The following ESR1 variants were observed in gnomAD, a reference collection of about 807,000 sequenced individuals.
ESR1 encodes the protein estrogen receptor 1.
A neutral mutation model predicts 52.7 loss-of-function variants in ESR1; 12 were observed. The ratio of observed to expected loss-of-function variants is 0.23; its 90% CI spans 0.15 to 0.37. ESR1 has a LOEUF of 0.37. ESR1 is among the 10% of genes least tolerant of loss of function. The pLI, the probability that ESR1 is intolerant of heterozygous loss-of-function variation, is 1.00. For missense variants in ESR1, 584 were observed against 779.7 expected (o/e 0.75, Z 2.99); for synonymous variants, 305 against 316.8 (o/e 0.96, Z 0.39).
chr6:151,730,088 C>T (rs1307338286), intron 2 of ESR1, among the ~76,000 whole-genome samples: 1 of 152,066 alleles, frequency 6.6e-6, no homozygotes, highest in East Asian at 1.9e-4. Flanking sequence ...GGCCCATTTC[C>T]GGGGTTCCTG....
chr6:152,040,597 CCTT>C (rs1303574932), intron 5 of ESR1, among the ~76,000 whole-genome samples: 1 of 152,216 alleles, frequency 6.6e-6, no homozygotes, highest in Non-Finnish European at 1.5e-5. Flanking sequence ...TGCCATTTCT[CCTT>C]CTAAGCAAAG....
intron 5 of ESR1, among the ~76,000 whole-genome samples, chr6:152,028,306 TGGGTGCAGC>T (rs1295731060): frequency 2.0e-5 from 3 of 152,168 alleles, no homozygotes; most frequent in African/African-American, 4.8e-5. Context: ...TGCAGGACAG[TGGGTGCAGC>T]GCACCAAGCA....
chr6:151,741,979 TCC>T (rs2128059100), intron 2 of ESR1, among the ~76,000 whole-genome samples: 1 of 152,328 alleles, frequency 6.6e-6, no homozygotes, highest in Admixed American at 6.5e-5. Context: ...ATGTTCTATT[TCC>T]GTATATTTGA....
rs1301786871 is a variant in ESR1, at chr6:152,098,024, G to A, written c.1554-708G>A. Among the ~76,000 whole-genome samples, 2 of 152,218 alleles carry A rather than the reference G, an allele frequency of 1.3e-5. No homozygotes were observed. The highest frequency in any genetic ancestry group is 4.8e-5 in the African/African-American group (2 of 41,450). On this transcript the variant is annotated intron_variant, in intron 7 of 7. Coordinates refer to ENST00000206249, the MANE Select transcript of ESR1 (RefSeq NM_000125.4). The surrounding 1 kb of genome is among the most constrained non-coding windows in gnomAD (Gnocchi z 5.1). ...GGGTAGCGGTAGGCCTTTCCGAGGA[G>A]GCGGCATTTGAAGACCGGAGGAAGG...
At chr6:151,825,183 T>A (rs887642833) in intron 1 of ESR1, among the ~76,000 whole-genome samples, 3 of 152,158 alleles carry the variant, frequency 2.0e-5, no homozygotes, top group African/African-American at 7.2e-5. Flanking sequence ...CCTCCCCTCC[T>A]CTACCTATTC....
In ESR1 at chr6:152,066,421, T is replaced by C. The variant is rs148306616; in HGVS notation, c.1369+5297T>C. ...TATTGACTGTAAACACTGAAAATCA[T>C]TAATTCTCAACAGTTGAAGGTTTCT... On this transcript the variant is annotated intron_variant, in intron 6 of 7. Coordinates refer to ENST00000206249, the MANE Select transcript of ESR1 (RefSeq NM_000125.4). 2.2e-3 allele frequency among the ~76,000 whole-genome samples: 333 copies of C among 152,318 alleles called. 1 individual carries two copies. The highest frequency in any genetic ancestry group is 3.6e-3 in the Non-Finnish European group (248 of 68,030).
intron 2 of ESR1, among the ~76,000 whole-genome samples, chr6:151,762,427 T>A (rs1018741699): frequency 1.6e-4 from 25 of 152,182 alleles, no homozygotes; most frequent in African/African-American, 5.8e-4. Flanking sequence ...GAGAGTGGTG[T>A]GAACATGTTT....
Position 152,014,959 on chromosome 6 carries a change from C to T in ESR1, c.1235+3165C>T, listed in dbSNP as rs144149383. On this transcript the variant is annotated intron_variant, in intron 5 of 7. Coordinates refer to ENST00000206249, the MANE Select transcript of ESR1 (RefSeq NM_000125.4). ...GCTCATGCCTGTAATCCCAGCTACC[C>T]GAGAGGCTGAGGCAGGAGAATCGCT... 4.5e-3 allele frequency among the ~76,000 whole-genome samples: 685 copies of T among 152,038 alleles called. 4 individuals carry two copies. Among genetic ancestry groups the T allele is most frequent in the African/African-American group, 0.015 (627 of 41,488 alleles).
At chr6:152,041,480 A>G (rs1341028440) in intron 5 of ESR1, among the ~76,000 whole-genome samples, 1 of 152,204 alleles carries the variant, frequency 6.6e-6, no homozygotes, top group African/African-American at 2.4e-5. Flanking sequence ...GCAGCAACTT[A>G]TCCTTCATCT....
chr6:151,910,956 A>G (rs1192593576), intron 3 of ESR1, among the ~76,000 whole-genome samples: 1 of 152,140 alleles, frequency 6.6e-6, no homozygotes, highest in Non-Finnish European at 1.5e-5. Flanking sequence ...ATCAGGCATT[A>G]TTAGGTTCTC....
Position 151,697,986 on chromosome 6 carries a change from T to G in ESR1, c.-201-3889T>G, listed in dbSNP as rs185738027. On this transcript the variant is annotated intron_variant, in intron 1 of 2. Transcript: ENST00000404742. ...GGCAGCATGCGCCTGTAGTCCCAGC[T>G]ACTAGGGAGGCTGAGGCAAGAGAAT... Among the ~76,000 whole-genome samples the G allele has an allele frequency of 1.2e-4, 18 of 152,112 alleles. No homozygotes were observed. The East Asian group carries it at 3.1e-3, about 26-fold the overall frequency.
intron 7 of ESR1, among the ~76,000 whole-genome samples, chr6:152,097,944 A>G (rs9341062): frequency 0.038 from 5,807 of 152,334 alleles, 152 homozygotes; most frequent in Middle Eastern, 0.061. Context: ...TGAGAAAAAC[A>G]GAACGGTGTG....
In ESR1 at chr6:151,808,084, G is replaced by A. The variant is rs1199270277; in HGVS notation, c.172G>A (p.Ala58Thr). ...KPAVYNYPEGAAYEFNAAAAA... is the reference protein window; with the variant it reads ...KPAVYNYPEGTAYEFNAAAAA... Reference sequence around the variant, plus strand: ...CGCCGTGTACAACTACCCCGAGGGCGCCGCCTACGAGTTCAACGCCGCGGC... The same window carrying A: ...CGCCGTGTACAACTACCCCGAGGGCACCGCCTACGAGTTCAACGCCGCGGC... Residue 58 changes from alanine (A) to threonine (T), a missense_variant, in exon 1 of 8, where the codon GCC (alanine) becomes ACC (threonine). Around this residue, in one of 6 missense-constraint regions of ESR1, gnomAD observed 251 missense variants for 246.1 expected, o/e 1.02. Coordinates refer to ENST00000206249, the MANE Select transcript of ESR1 (RefSeq NM_000125.4). 6.2e-7 allele frequency: 1 copy of A among 1,612,698 alleles called. No homozygotes were observed. The highest frequency in any genetic ancestry group is 1.7e-5 in the Admixed American group (1 of 59,974).
At chr6:152,038,194 T>C (rs967189973) in intron 5 of ESR1, among the ~76,000 whole-genome samples, 1 of 152,142 alleles carries the variant, frequency 6.6e-6, no homozygotes, top group Non-Finnish European at 1.5e-5. Context: ...GCATCCGTCA[T>C]GGGAGAAAGA....
intron 2 of ESR1, among the ~76,000 whole-genome samples, chr6:151,709,947 G>A (rs1463517123): frequency 6.6e-6 from 1 of 150,868 alleles, no homozygotes; most frequent in Non-Finnish European, 1.5e-5. Context: ...AAATTTCTAT[G>A]TTTTATTTTA....
intron 5 of ESR1, among the ~76,000 whole-genome samples, chr6:152,018,186 A>G (rs1431366234): frequency 6.6e-6 from 1 of 152,176 alleles, no homozygotes; most frequent in Non-Finnish European, 1.5e-5. Context: ...TGCCTCTTCT[A>G]CTAAATAGCA....
At chr6:151,691,696 T>C (rs959390421) in intron 1 of ESR1, among the ~76,000 whole-genome samples, 3 of 123,806 alleles carry the variant, frequency 2.4e-5, no homozygotes, top group African/African-American at 9.7e-5. Flanking sequence ...ATACATATTT[T>C]AATATTGAGA....
At chr6:151,813,910 G>A (rs1779216332) in intron 1 of ESR1, among the ~76,000 whole-genome samples, 1 of 152,138 alleles carries the variant, frequency 6.6e-6, no homozygotes, top group Non-Finnish European at 1.5e-5. Flanking sequence ...CTTTTTGAGA[G>A]TTCCCCAAAT....
At chr6:151,769,273 A>G (rs1377874471) in intron 2 of ESR1, among the ~76,000 whole-genome samples, 2 of 152,230 alleles carry the variant, frequency 1.3e-5, no homozygotes, top group African/African-American at 2.4e-5. Context: ...AAAGGCTTAT[A>G]ATATTGAATA....
Sources: allele counts gnomAD v4.1 joint callset (sites outside exome capture counted in the v4.1 genomes callset), GRCh38; gene constraint gnomAD v4.1.1; regional missense constraint gnomAD v4.1.1; non-coding constraint Gnocchi (gnomAD v3.1); transcripts MANE v1.5; gene names NCBI Gene and HGNC (gene_info 2026-07-23, HGNC 2026-07-21).